The following PTPRS variants were observed in gnomAD, a reference collection of about 807,000 sequenced individuals.
PTPRS encodes receptor-type tyrosine-protein phosphatase S.
In PTPRS, 63 loss-of-function variants were observed where a neutral mutation model predicts 215.3. The observed-to-expected ratio is 0.29, with a 90% confidence interval of 0.24 to 0.36. The LOEUF (loss-of-function observed/expected upper bound fraction) is 0.36. Among genes scored for constraint, PTPRS ranks in the 10% least tolerant of loss-of-function variants. The probability of loss-of-function intolerance (pLI) is 1.00; values close to 1 mark genes in which losing one functional copy is unlikely to be tolerated. For missense variants in PTPRS, 2,258 were observed against 2,825.8 expected, an observed-to-expected ratio of 0.80 and a Z score of 4.56; for synonymous variants, 1,404 against 1,191.4, an observed-to-expected ratio of 1.18 and a Z score of -3.68.
rs370945027 is a variant in PTPRS, at chr19:5,237,966, A to G, written c.1849+953T>C. On this transcript the variant is annotated intron_variant, in intron 13 of 37. Coordinates refer to ENST00000262963, the MANE Select transcript of PTPRS (RefSeq NM_002850.4). This position sits in a 1 kb window ranked among gnomAD's most constrained non-coding sequence, Gnocchi z 4.2. Reference sequence around the variant, plus strand: ...ACTGATCCGAGATGCCCCTGTGTACACACACCCAGGGCGGGCCTTGAAGGT... The same window carrying G: ...ACTGATCCGAGATGCCCCTGTGTACGCACACCCAGGGCGGGCCTTGAAGGT... Among the ~76,000 whole-genome samples, 5 of 152,180 alleles carry G rather than the reference A, an allele frequency of 3.3e-5. No homozygotes were observed. The East Asian group carries it at 5.8e-4, about 18-fold the overall frequency.
chr19:5,237,439 TTTCTAGGTGACC>T lies in PTPRS; in HGVS notation c.1849+1468_1849+1479del, dbSNP rs2043559814. On this transcript the variant is annotated intron_variant, in intron 13 of 37. Transcript: ENST00000262963. This position sits in a 1 kb window ranked among gnomAD's most constrained non-coding sequence, Gnocchi z 4.2. ...GTTCGCGTGGCTGGGCCGAAGCCGC[TTTCTAGGTGACC>T]GTGTAGGTCACGTCCTTCACAATCC... Among the ~76,000 whole-genome samples the T allele has an allele frequency of 1.3e-5, 2 of 152,188 alleles. No individual in the cohort carries two copies. Among genetic ancestry groups the T allele is most frequent in the African/African-American group, 4.8e-5 (2 of 41,454 alleles).
intron 1 of PTPRS, among the ~76,000 whole-genome samples, chr19:5,318,048 G>A (rs1475913604): frequency 1.3e-5 from 2 of 152,118 alleles, no homozygotes; most frequent in Admixed American, 1.3e-4. Flanking sequence ...GCAGGTGCCT[G>A]TAGTCCCAGC....
intron 1 of PTPRS, among the ~76,000 whole-genome samples, chr19:5,301,198 G>C (rs1319933895): frequency 6.6e-6 from 1 of 152,208 alleles, no homozygotes; most frequent in Non-Finnish European, 1.5e-5. Flanking sequence ...TCAGCCAAAA[G>C]TGGAGGACGG....
intron 9 of PTPRS, among the ~76,000 whole-genome samples, chr19:5,251,698 C>T (rs908691018): frequency 3.3e-5 from 5 of 152,102 alleles, no homozygotes; most frequent in Non-Finnish European, 5.9e-5. Flanking sequence ...GAGTGACCCC[C>T]TCCTCGCCGC....
chr19:5,260,930 G>T, intron 6 of PTPRS, 108 bp from the exon 7 acceptor site: 1 of 1,313,436 alleles, frequency 7.6e-7, no homozygotes, highest in Non-Finnish European at 1.1e-6. Flanking sequence ...TCAGCACTCT[G>T]CCCCAGGGAG....
intron 16 of PTPRS, among the ~76,000 whole-genome samples, chr19:5,228,019 C>G (rs993377142): frequency 5.3e-5 from 8 of 151,996 alleles, no homozygotes; most frequent in Non-Finnish European, 8.8e-5. Context: ...GACGGGGATG[C>G]ACAAACAGGG....
At chr19:5,313,940 A>AAAT (rs148699840) in intron 1 of PTPRS, among the ~76,000 whole-genome samples, 1,679 of 146,646 alleles carry the variant, frequency 0.011, 24 homozygotes, top group East Asian at 0.061. Flanking sequence ...CTCTCTCCAC[A>AAAT]AATAATAATA....
At chr19:5,289,436 A>T (rs1274750912) in intron 1 of PTPRS, among the ~76,000 whole-genome samples, 1 of 152,112 alleles carries the variant, frequency 6.6e-6, no homozygotes, top group Non-Finnish European at 1.5e-5. Flanking sequence ...ACCAGAAAGC[A>T]TCTGCAAGCA....
At chr19:5,297,815 CAG>C (rs2049184177) in intron 1 of PTPRS, among the ~76,000 whole-genome samples, 1 of 132,124 alleles carries the variant, frequency 7.6e-6, no homozygotes, top group Non-Finnish European at 1.6e-5. Context: ...TTTTTTGAGA[CAG>C]AGTCTCGTTC....
intron 13 of PTPRS, among the ~76,000 whole-genome samples, chr19:5,233,719 G>A (rs964962984): frequency 5.3e-5 from 8 of 151,242 alleles, no homozygotes; most frequent in Non-Finnish European, 1.0e-4. Context: ...CGAGGTGGGT[G>A]GATCACGAGG....
chr19:5,227,804 C>A (rs1458609423), intron 16 of PTPRS, among the ~76,000 whole-genome samples: 4 of 152,140 alleles, frequency 2.6e-5, no homozygotes, highest in African/African-American at 7.2e-5. Context: ...GCATCTAGCA[C>A]ATAGTAGGTG....
rs1168400719 is a variant in PTPRS at position 5,220,262 on chromosome 19, C to G, written c.3547G>C (p.Glu1183Gln). 1.9e-6 allele frequency: 3 copies of G among 1,613,886 alleles called. No individual in the cohort carries two copies. Among genetic ancestry groups the G allele is most frequent in the Non-Finnish European group, 2.5e-6 (3 of 1,179,866 alleles). ...CGGGTTGGGCCCCAGGCCCTCACCT[C>G]TTCCAGATCCATGTCCTCTGGGCTA... ...LGSPEDMDLE[E>Q]LIQDISRLQR... The change falls in exon 21 of 38, where the codon GAG (glutamate) becomes CAG (glutamine). Residue 1183 changes from glutamate to glutamine, a missense_variant and splice_region_variant. Coordinates refer to ENST00000262963, the MANE Select transcript of PTPRS (RefSeq NM_002850.4).
chr19:5,246,335 C>A (rs1025765369), intron 9 of PTPRS, among the ~76,000 whole-genome samples: 1 of 152,080 alleles, frequency 6.6e-6, no homozygotes, highest in Non-Finnish European at 1.5e-5. Flanking sequence ...AGGTACTTCA[C>A]AAACAATATA....
intron 14 of PTPRS, 91 bp from the exon 15 acceptor site, chr19:5,229,775 A>T: frequency 2.5e-6 from 2 of 809,310 alleles, no homozygotes; most frequent in Non-Finnish European, 3.3e-6. Context: ...CGATTCCAGG[A>T]TGCCGAGTGG....
intron 1 of PTPRS, among the ~76,000 whole-genome samples, chr19:5,326,524 A>C (rs1482941727): frequency 1.3e-5 from 2 of 151,988 alleles, no homozygotes; most frequent in Non-Finnish European, 2.9e-5. Context: ...GTTTAAACAA[A>C]ACGTGTCAAG....
At chr19:5,305,763 A>ATTT (rs1336026523) in intron 1 of PTPRS, among the ~76,000 whole-genome samples, 22 of 113,666 alleles carry the variant, frequency 1.9e-4, no homozygotes, top group African/African-American at 7.2e-4. Context: ...ATATATATAT[A>ATTT]TATTTTTTTT....
chr19:5,211,444 G>T lies in PTPRS; in HGVS notation c.5234+146C>A, dbSNP rs2040873214. ...AAAGATTCACGGACAGCAGCCATCA[G>T]TTAAATATACATCTAAAGATGTGTA... On this transcript the variant is annotated intron_variant, in intron 33 of 37. Coordinates refer to ENST00000262963, the MANE Select transcript of PTPRS (RefSeq NM_002850.4). 3.1e-5 allele frequency: 24 copies of T among 769,880 alleles called. No homozygotes were observed. The South Asian group carries it at 4.7e-4, about 15-fold the overall frequency. The allele number at this position is 769,880 out of a possible 1,614,324, so 47.7% of individuals were successfully genotyped here.
chr19:5,246,674 C>A (rs533487787), intron 9 of PTPRS, among the ~76,000 whole-genome samples: 501 of 152,304 alleles, frequency 3.3e-3, no homozygotes, highest in Non-Finnish European at 4.6e-3. Context: ...ACAGAGGGAG[C>A]CTGAGATGTC....
Position 5,338,171 on chromosome 19 carries a change from A to C in PTPRS, c.-95+2493T>G, listed in dbSNP as rs978204529. On this transcript the variant is annotated intron_variant, in intron 1 of 37. Coordinates refer to ENST00000262963, the MANE Select transcript of PTPRS (RefSeq NM_002850.4). The surrounding 1 kb of genome is among the most constrained non-coding windows in gnomAD (Gnocchi z 4.2). Reference sequence around the variant, plus strand: ...GCATCTCTGGACGGCCACTGACAGTACCAGTCTCTGTCACCCCCTGGGGGG... The same window carrying C: ...GCATCTCTGGACGGCCACTGACAGTCCCAGTCTCTGTCACCCCCTGGGGGG... Among the ~76,000 whole-genome samples, 1 of 152,194 alleles carries C rather than the reference A, an allele frequency of 6.6e-6. No homozygotes were observed.
Sources: allele counts gnomAD v4.1 joint callset (sites outside exome capture counted in the v4.1 genomes callset), GRCh38; gene constraint gnomAD v4.1.1; non-coding constraint Gnocchi (gnomAD v3.1); transcripts MANE v1.5; gene names NCBI Gene and HGNC (gene_info 2026-07-23, HGNC 2026-07-21).